The following DCTN4 variants were observed in gnomAD, a reference collection of about 807,000 sequenced individuals.
DCTN4 encodes the protein dynactin subunit 4, also known as dynactin 4 (p62).
Under a neutral mutation model 62.7 loss-of-function variants are expected in DCTN4, and 23 were observed. The observed-to-expected ratio is 0.37, with a 90% confidence interval of 0.26 to 0.52. The LOEUF (loss-of-function observed/expected upper bound fraction) is 0.52, where lower values mean the gene tolerates loss of function less well. Among genes scored for constraint, DCTN4 ranks in the 20% least tolerant of loss-of-function variants. DCTN4 has a pLI of 0.92. For synonymous variants in DCTN4, 199 were observed against 202.1 expected (o/e 0.98, Z 0.13); for missense variants, 514 against 580.4 (o/e 0.89, Z 1.18).
At chr5:150,755,547 C>T (rs763414619) in intron 2 of DCTN4, 37 of 456,066 alleles carry the variant, frequency 8.1e-5, no homozygotes, top group Admixed American at 7.0e-5. Context: ...GGTTCTCCTC[C>T]GCAAAATACA....
At chr5:150,732,744 C>T (rs559231911) in intron 5 of DCTN4, among the ~76,000 whole-genome samples, 15 of 152,252 alleles carry the variant, frequency 9.9e-5, no homozygotes, top group Admixed American at 8.5e-4. Context: ...ACTATGAGAG[C>T]AAATAAAACT....
chr5:150,717,628 C>T (rs939863621), intron 11 of DCTN4, among the ~76,000 whole-genome samples: 5 of 152,086 alleles, frequency 3.3e-5, no homozygotes, highest in African/African-American at 4.8e-5. Flanking sequence ...TGATTTTAAA[C>T]GTATCATTTC....
chr5:150,739,122 A>G (rs1760683361), intron 4 of DCTN4, among the ~76,000 whole-genome samples: 1 of 151,836 alleles, frequency 6.6e-6, no homozygotes, highest in Admixed American at 6.6e-5. Context: ...CAGAAGTTGC[A>G]GTGAGCTGAG....
At chr5:150,748,708 G>A (rs1428721245) in intron 3 of DCTN4, among the ~76,000 whole-genome samples, 1 of 146,616 alleles carries the variant, frequency 6.8e-6, no homozygotes, top group Non-Finnish European at 1.5e-5. Flanking sequence ...AACACCGCAT[G>A]TTCTCACTCA....
At chr5:150,738,642 A>G (rs1259618243) in intron 4 of DCTN4, among the ~76,000 whole-genome samples, 2 of 152,208 alleles carry the variant, frequency 1.3e-5, no homozygotes, top group African/African-American at 4.8e-5. Flanking sequence ...CGACAAACAC[A>G]GAGCCAACAT....
chr5:150,717,439 G>A (rs1359248329), intron 11 of DCTN4, among the ~76,000 whole-genome samples: 1 of 152,134 alleles, frequency 6.6e-6, no homozygotes, highest in African/African-American at 2.4e-5. Flanking sequence ...AGTAGAGACG[G>A]GTTTCACCAT....
chr5:150,722,633 A>T (rs995966333), intron 9 of DCTN4, among the ~76,000 whole-genome samples: 2 of 152,196 alleles, frequency 1.3e-5, no homozygotes, highest in Admixed American at 1.3e-4. Flanking sequence ...TGTAATGATG[A>T]CTAGTGACTT....
chr5:150,753,722 A>T lies in DCTN4; in HGVS notation c.207-65T>A, dbSNP rs2113151852. ...TTATCAAGGAATTCAAGAGAGAACA[A>T]ATATAAGGACAAGTGTCTCTCAAGA... On this transcript the variant is annotated intron_variant, in intron 2 of 12. Transcript: ENST00000447998. 4 of 1,496,566 alleles carry T rather than the reference A, an allele frequency of 2.7e-6. No individual in the cohort carries two copies. The South Asian group carries it at 5.0e-5, about 19-fold the overall frequency. The allele number at this position is 1,496,566 out of a possible 1,614,324, so 92.7% of individuals were successfully genotyped here. A position where few individuals can be genotyped will look rare whatever the true frequency, so the allele number is the denominator to read the frequency against.
At chr5:150,751,492 A>G (rs62380610) in intron 3 of DCTN4, among the ~76,000 whole-genome samples, 43 of 152,306 alleles carry the variant, frequency 2.8e-4, no homozygotes, top group Non-Finnish European at 4.1e-4. Context: ...ATAAAAAGAC[A>G]CAAAATACAA....
At chr5:150,746,512 T>C (rs2113122553) in intron 3 of DCTN4, among the ~76,000 whole-genome samples, 1 of 152,236 alleles carries the variant, frequency 6.6e-6, no homozygotes, top group South Asian at 2.1e-4. Flanking sequence ...CCAATATCCT[T>C]GATGAACATT....
chr5:150,728,646 T>G (rs951653646), intron 8 of DCTN4, among the ~76,000 whole-genome samples: 1 of 152,164 alleles, frequency 6.6e-6, no homozygotes, highest in Non-Finnish European at 1.5e-5. Context: ...AAATTATCCC[T>G]CTTTTAAAAA....
chr5:150,751,959 G>C (rs1462559875), intron 3 of DCTN4, among the ~76,000 whole-genome samples: 1 of 152,082 alleles, frequency 6.6e-6, no homozygotes, highest in African/African-American at 2.4e-5. Flanking sequence ...CTTCATTTTA[G>C]TTATGTCAAA....
intron 3 of DCTN4, among the ~76,000 whole-genome samples, chr5:150,752,250 T>C (rs1027403853): frequency 2.0e-5 from 3 of 152,196 alleles, no homozygotes; most frequent in Non-Finnish European, 4.4e-5. Context: ...TTCCACTCTA[T>C]GATGTTAACC....
chr5:150,713,915 A>G (rs1394890377), intron 12 of DCTN4, among the ~76,000 whole-genome samples: 5 of 151,812 alleles, frequency 3.3e-5, no homozygotes, highest in African/African-American at 1.2e-4. Flanking sequence ...TCAGGAGTTC[A>G]AGACCAGCCT....
intron 8 of DCTN4, among the ~76,000 whole-genome samples, chr5:150,724,883 C>G (rs1013820670): frequency 6.6e-6 from 1 of 152,106 alleles, no homozygotes; most frequent in African/African-American, 2.4e-5. Flanking sequence ...CCAGGCTGGG[C>G]GCAGTGGCTC....
In DCTN4 at chr5:150,720,481, A is replaced by AT. The variant is rs57503750; in HGVS notation, c.909-712dup. 6.6e-3 allele frequency among the ~76,000 whole-genome samples: 918 copies of AT among 139,416 alleles called. 19 individuals are homozygous for AT. The highest frequency in any genetic ancestry group is 0.061 in the East Asian group (291 of 4,782). 91.5% of individuals were successfully genotyped at this position (139,416 alleles called of 152,430 possible). Reference sequence around the variant, plus strand: ...CTGAGGTTTGATACCAGAGCTCTGTATTTTTTTTTTTTTTTTTGAGACAGG... The same window carrying AT: ...CTGAGGTTTGATACCAGAGCTCTGTATTTTTTTTTTTTTTTTTTGAGACAGG... On this transcript the variant is annotated intron_variant, in intron 9 of 12. Coordinates refer to ENST00000447998, the MANE Select transcript of DCTN4 (RefSeq NM_016221.4).
chr5:150,709,249 G>A lies in DCTN4; in HGVS notation c.*1900C>T, dbSNP rs1759477210. Reference sequence around the variant, plus strand: ...AAAAAGTTTATGATCAAAGTGTTTTGTGTTTCTGTGTATGGGAATGATGAG... The same window carrying A: ...AAAAAGTTTATGATCAAAGTGTTTTATGTTTCTGTGTATGGGAATGATGAG... On this transcript the variant is annotated 3_prime_UTR_variant, in exon 13 of 13. Transcript: ENST00000447998. 6.6e-6 allele frequency: 1 copy of A among 152,492 alleles called. No individual in the cohort carries two copies. Among genetic ancestry groups the A allele is most frequent in the Non-Finnish European group, 1.5e-5 (1 of 68,012 alleles). 9.4% of individuals were successfully genotyped at this position (152,492 alleles called of 1,614,324 possible). A position where few individuals can be genotyped will look rare whatever the true frequency, so the allele number is the denominator to read the frequency against.
At chr5:150,735,026 G>T (rs956953903) in intron 4 of DCTN4, among the ~76,000 whole-genome samples, 5 of 152,182 alleles carry the variant, frequency 3.3e-5, no homozygotes, top group Non-Finnish European at 7.3e-5. Flanking sequence ...GCCCCCACCT[G>T]ATGGTCTTTC....
rs184464696 is a variant in DCTN4, at chr5:150,715,974, G to A, written c.1072-312C>T. Among the ~76,000 whole-genome samples, 449 of 152,146 alleles carry A rather than the reference G, an allele frequency of 3.0e-3. 2 individuals are homozygous for A. The highest frequency in any genetic ancestry group is 0.011 in the South Asian group (51 of 4,816). Reference sequence around the variant, plus strand: ...GCTAGAGTGCAAATGGCATGATCTCGGCTCACTGCAACCTCTGCCTCCTGG... The same window carrying A: ...GCTAGAGTGCAAATGGCATGATCTCAGCTCACTGCAACCTCTGCCTCCTGG... On this transcript the variant is annotated intron_variant, in intron 11 of 12. Transcript: ENST00000447998.
Sources: allele counts gnomAD v4.1 joint callset (sites outside exome capture counted in the v4.1 genomes callset), GRCh38; gene constraint gnomAD v4.1.1; transcripts MANE v1.5; gene names NCBI Gene and HGNC (gene_info 2026-07-23, HGNC 2026-07-21).